MARK2: variants seen among roughly 807,000 people sequenced by gnomAD.
The protein encoded by MARK2 is serine/threonine-protein kinase MARK2.
In MARK2, 16 loss-of-function variants were observed where a neutral mutation model predicts 89.8. The ratio of observed to expected loss-of-function variants is 0.18; its 90% CI spans 0.12 to 0.27. MARK2 has a LOEUF of 0.27. MARK2 is among the 10% of genes least tolerant of loss of function. MARK2 has a pLI of 1.00. For synonymous variants in MARK2, 382 were observed against 399.5 expected (o/e 0.96, Z 0.52); for missense variants, 621 against 1,049.9 (o/e 0.59, Z 5.65).
At position 63,852,373 on chromosome 11, in the gene MARK2, T is replaced by G. The variant is rs975988905; in HGVS notation, c.54+12813T>G. 6.6e-5 allele frequency among the ~76,000 whole-genome samples: 10 copies of G among 152,328 alleles called. No individual in the cohort carries two copies. In the East Asian group the frequency reaches 1.9e-3, roughly 29 times the overall value. ...GAAATCCCAGCATTTTCCTGGAACC[T>G]TTGAGAAAATATAAGAAGTAAGTAC... On this transcript the variant is annotated intron_variant, in intron 1 of 18. Coordinates refer to ENST00000402010, the MANE Select transcript of MARK2 (RefSeq NM_001039469.3).
intron 1 of MARK2, among the ~76,000 whole-genome samples, chr11:63,856,833 T>G (rs547563876): frequency 8.9e-4 from 107 of 120,330 alleles, no homozygotes; most frequent in Non-Finnish European, 1.4e-3. Flanking sequence ...GCTCTCTCGC[T>G]CTCTCACTCT....
chr11:63,884,665 C>T (rs1482450644), intron 1 of MARK2, among the ~76,000 whole-genome samples: 1 of 152,202 alleles, frequency 6.6e-6, no homozygotes, highest in Non-Finnish European at 1.5e-5. Flanking sequence ...TCAAGTGGAA[C>T]AGTCACAGTT....
intron 1 of MARK2, among the ~76,000 whole-genome samples, chr11:63,888,359 C>T (rs1480918877): frequency 6.6e-6 from 1 of 152,176 alleles, no homozygotes; most frequent in Non-Finnish European, 1.5e-5. Flanking sequence ...CTGCCCCTAC[C>T]CAGGTCCCAC....
intron 1 of MARK2, among the ~76,000 whole-genome samples, chr11:63,884,468 C>T (rs1011708041): frequency 6.6e-6 from 1 of 152,268 alleles, no homozygotes; most frequent in African/African-American, 2.4e-5. Context: ...GCTGATCTCC[C>T]TGCCTTGTGG....
chr11:63,892,007 T>C (rs1939893887), intron 1 of MARK2, among the ~76,000 whole-genome samples: 1 of 152,216 alleles, frequency 6.6e-6, no homozygotes, highest in African/African-American at 2.4e-5. Context: ...AATCCACTTG[T>C]CTTGCAGACA....
At chr11:63,842,155 C>A in intron 1 of MARK2, among the ~76,000 whole-genome samples, 1 of 152,016 alleles carries the variant, frequency 6.6e-6, no homozygotes, top group African/African-American at 2.4e-5. Flanking sequence ...AAGTCTCATT[C>A]CAGTAAAAGC....
chr11:63,900,445 C>A lies in MARK2; in HGVS notation c.769-114C>A. 3 of 1,283,924 alleles carry A rather than the reference C, an allele frequency of 2.3e-6. No homozygotes were observed. Among genetic ancestry groups the A allele is most frequent in the South Asian group, 2.7e-5 (2 of 72,766 alleles). The allele number at this position is 1,283,924 out of a possible 1,614,324, so 79.5% of individuals were successfully genotyped here. Reference sequence around the variant, plus strand: ...TGTCCCCAGGCTGTCTGCCTTCTTCCATATTTCATTTATGTCTGCTTTGCC... The same window carrying A: ...TGTCCCCAGGCTGTCTGCCTTCTTCAATATTTCATTTATGTCTGCTTTGCC... On this transcript the variant is annotated intron_variant, in intron 8 of 18. Transcript: ENST00000402010. This position sits in a 1 kb window ranked among gnomAD's most constrained non-coding sequence, Gnocchi z 4.7.
intron 1 of MARK2, among the ~76,000 whole-genome samples, chr11:63,840,472 AAC>A (rs1235430224): frequency 1.3e-5 from 2 of 152,132 alleles, no homozygotes; most frequent in African/African-American, 2.4e-5. Context: ...CCACCGTATT[AAC>A]ACAACCTGTT....
chr11:63,901,967 G>A (rs1377708523), intron 11 of MARK2, among the ~76,000 whole-genome samples: 3 of 152,066 alleles, frequency 2.0e-5, no homozygotes, highest in African/African-American at 7.2e-5. Context: ...GTCTCTGGGT[G>A]TGTGGGCTTA....
At chr11:63,857,014 T>C (rs1445052863) in intron 1 of MARK2, among the ~76,000 whole-genome samples, 2 of 151,606 alleles carry the variant, frequency 1.3e-5, no homozygotes, top group African/African-American at 4.8e-5. Context: ...GGTTTCACCG[T>C]GTTAGCCAGG....
At chr11:63,890,639 C>T (rs116432346) in intron 1 of MARK2, among the ~76,000 whole-genome samples, 1,590 of 152,314 alleles carry the variant, frequency 0.01, 32 homozygotes, top group African/African-American at 0.035. Context: ...CGGAAAGGCC[C>T]GTAGCATCTC....
At chr11:63,899,320 G>A (rs577824440) in intron 7 of MARK2, among the ~76,000 whole-genome samples, 9 of 151,504 alleles carry the variant, frequency 5.9e-5, no homozygotes, top group Admixed American at 1.3e-4. Flanking sequence ...GCTGGACCTC[G>A]GGTTCCATTC....
At position 63,903,277 on chromosome 11, in the gene MARK2, C is replaced by T; in HGVS notation, c.1514+119C>T. On this transcript the variant is annotated intron_variant, in intron 14 of 18. Transcript: ENST00000402010. This position sits in a 1 kb window ranked among gnomAD's most constrained non-coding sequence, Gnocchi z 5.1. ...GCATTGCTCCCTGCTCCCTGGAGTT[C>T]CATCCTGGCTGTGTCCAGTCCAGCT... 2.6e-6 allele frequency: 2 copies of T among 783,038 alleles called. No individual in the cohort carries two copies. Among genetic ancestry groups the T allele is most frequent in the South Asian group, 1.5e-5 (1 of 66,758 alleles). 48.5% of individuals were successfully genotyped at this position (783,038 alleles called of 1,614,324 possible).
rs768864536 is a variant in MARK2 at position 63,909,261 on chromosome 11, C to T, written c.*24C>T. 1 of 1,554,910 alleles carries T rather than the reference C, an allele frequency of 6.4e-7. No homozygotes were observed. Among genetic ancestry groups the T allele is most frequent in the Non-Finnish European group, 8.8e-7 (1 of 1,142,574 alleles). On this transcript the variant is annotated 3_prime_UTR_variant, in exon 19 of 19. Coordinates refer to ENST00000402010, the MANE Select transcript of MARK2 (RefSeq NM_001039469.3). ...AACAGGCTGCCAGGAGCGGGGGCGGCGGGGGCGGGCCAGCTGGACGGGCTG... is the reference window on the plus strand; with the variant it reads ...AACAGGCTGCCAGGAGCGGGGGCGGTGGGGGCGGGCCAGCTGGACGGGCTG...
At chr11:63,843,363 C>T (rs2016117131) in intron 1 of MARK2, among the ~76,000 whole-genome samples, 1 of 152,140 alleles carries the variant, frequency 6.6e-6, no homozygotes, top group South Asian at 2.1e-4. Flanking sequence ...TGGGACCTGC[C>T]CCACCTCTGG....
chr11:63,897,674 G>C (rs1162290071), intron 3 of MARK2, among the ~76,000 whole-genome samples: 1 of 152,192 alleles, frequency 6.6e-6, no homozygotes, highest in African/African-American at 2.4e-5. Flanking sequence ...TGAGTGTGTG[G>C]AGGTGGATTT....
intron 1 of MARK2, among the ~76,000 whole-genome samples, chr11:63,891,253 TTGA>T: frequency 6.6e-6 from 1 of 152,162 alleles, no homozygotes; most frequent in East Asian, 1.9e-4. Context: ...TGTGCCTGGC[TTGA>T]TGATGTTGAT....
At chr11:63,885,736 A>G (rs1939355582) in intron 1 of MARK2, among the ~76,000 whole-genome samples, 1 of 152,038 alleles carries the variant, frequency 6.6e-6, no homozygotes, top group Non-Finnish European at 1.5e-5. Flanking sequence ...TGGGAGGCTC[A>G]GGCAGGAGAA....
chr11:63,841,981 T>C (rs906688068), intron 1 of MARK2, among the ~76,000 whole-genome samples: 5 of 152,240 alleles, frequency 3.3e-5, no homozygotes, highest in Non-Finnish European at 5.9e-5. Context: ...CTCTTTGCTC[T>C]TTGATAACTT....
Sources: allele counts gnomAD v4.1 joint callset (sites outside exome capture counted in the v4.1 genomes callset), GRCh38; gene constraint gnomAD v4.1.1; non-coding constraint Gnocchi (gnomAD v3.1); transcripts MANE v1.5; gene names NCBI Gene and HGNC (gene_info 2026-07-23, HGNC 2026-07-21).